Variants in ARHGAP28 observed in about 807,000 individuals in gnomAD.
ARHGAP28 encodes the protein rho GTPase-activating protein 28.
A neutral mutation model predicts 90.7 loss-of-function variants in ARHGAP28; 56 were observed. The observed-to-expected ratio is 0.62, with a 90% CI of 0.50 to 0.77. The LOEUF is 0.77. ARHGAP28 is among the 30% of genes least tolerant of loss of function. The pLI is 0.00. For synonymous variants in ARHGAP28, 308 were observed against 323.3 expected, an observed-to-expected ratio of 0.95 and a Z score of 0.51; for missense variants, 869 against 900.9, an observed-to-expected ratio of 0.96 and a Z score of 0.45.
intron 6 of ARHGAP28, among the ~76,000 whole-genome samples, chr18:6,869,220 A>G (rs550959462): frequency 6.7e-6 from 1 of 149,904 alleles, no homozygotes; most frequent in East Asian, 2.0e-4. Context: ...CCCCTGTATA[A>G]CAAGGGAGCA....
Position 6,887,167 on chromosome 18 carries a change from C to T in ARHGAP28, c.1464C>T (p.His488=), listed in dbSNP as rs745378361. The change falls in exon 12 of 18, where the codon CAC becomes CAT. Residue 488 remains histidine, a synonymous_variant. Coordinates refer to ENST00000383472, the MANE Select transcript of ARHGAP28 (RefSeq NM_001366230.1). ...AFISLMERGP[H]VKVQFQALHL... is the part of the protein sequence containing the mutation. ...CTGTTTTCTTGTTAGGAGGGCCTCACGTCAAAGTACAGTTTCAAGCCTTAC... is the reference window on the plus strand; with the variant it reads ...CTGTTTTCTTGTTAGGAGGGCCTCATGTCAAAGTACAGTTTCAAGCCTTAC... 2.1e-5 allele frequency: 34 copies of T among 1,613,862 alleles called. No individual in the cohort carries two copies. Among genetic ancestry groups the T allele is most frequent in the African/African-American group, 8.0e-5 (6 of 74,906 alleles).
rs1418467794 is a variant in ARHGAP28 at position 6,856,512 on chromosome 18, G to GT, written c.637-3289dup. Among the ~76,000 whole-genome samples, 7 of 152,012 alleles carry GT rather than the reference G, an allele frequency of 4.6e-5. No homozygotes were observed. In the South Asian group the frequency reaches 6.2e-4, roughly 14 times the overall value. On this transcript the variant is annotated intron_variant, in intron 4 of 17. Transcript: ENST00000383472. ...ATTCAATAATTTGGGTTGTGTTTTT[G>GT]TTTTTTTGTGTTTTAGAGACAGGGT...
At chr18:6,790,081 C>G (rs977688091) in intron 1 of ARHGAP28, 1 of 152,164 alleles carries the variant, frequency 6.6e-6, no homozygotes, top group African/African-American at 2.4e-5. Flanking sequence ...TCAGGTGATC[C>G]GCCTGCCTCA....
At chr18:6,753,997 T>C (rs780894410) in intron 1 of ARHGAP28, among the ~76,000 whole-genome samples, 4 of 152,240 alleles carry the variant, frequency 2.6e-5, no homozygotes, top group Admixed American at 6.5e-5. Flanking sequence ...AAATATATTA[T>C]ACAATTGATT....
chr18:6,804,273 A>C (rs1420493684), intron 1 of ARHGAP28, among the ~76,000 whole-genome samples: 11 of 152,102 alleles, frequency 7.2e-5, no homozygotes, highest in Non-Finnish European at 1.5e-5. Flanking sequence ...ATATCAGTAA[A>C]ATTTGTAGTG....
At chr18:6,799,857 A>G (rs1460220776) in intron 1 of ARHGAP28, among the ~76,000 whole-genome samples, 1 of 152,230 alleles carries the variant, frequency 6.6e-6, no homozygotes, top group East Asian at 1.9e-4. Context: ...GCCAAAATTG[A>G]CAATTGGGAT....
chr18:6,895,976 C>A (rs908007083), intron 15 of ARHGAP28, among the ~76,000 whole-genome samples: 2 of 152,112 alleles, frequency 1.3e-5, no homozygotes, highest in African/African-American at 4.8e-5. Context: ...CCCACAGCCA[C>A]CTACACTGCC....
At chr18:6,730,145 G>A in intron 1 of ARHGAP28, 1 of 452,978 alleles carries the variant, frequency 2.2e-6, no homozygotes, top group Middle Eastern at 6.2e-4. Flanking sequence ...CACCAGCCTG[G>A]GCTGAAGTCG....
chr18:6,826,277 T>C (rs989560378), intron 2 of ARHGAP28, among the ~76,000 whole-genome samples: 4 of 152,142 alleles, frequency 2.6e-5, no homozygotes, highest in African/African-American at 9.7e-5. Flanking sequence ...TATGTCTTCT[T>C]TTGAAAAGCA....
chr18:6,739,572 A>C (rs1029632960), intron 1 of ARHGAP28, among the ~76,000 whole-genome samples: 1 of 151,114 alleles, frequency 6.6e-6, no homozygotes, highest in Non-Finnish European at 1.5e-5. Context: ...TGAAATACTT[A>C]TTTAAGACTA....
chr18:6,787,082 T>C (rs1451305110), intron 1 of ARHGAP28, among the ~76,000 whole-genome samples: 1 of 151,656 alleles, frequency 6.6e-6, no homozygotes, highest in Non-Finnish European at 1.5e-5. Context: ...TAGCCGGGCG[T>C]GGTGGTGGAC....
chr18:6,876,448 T>C (rs1204096218), intron 10 of ARHGAP28, among the ~76,000 whole-genome samples: 1 of 152,146 alleles, frequency 6.6e-6, no homozygotes, highest in Middle Eastern at 3.2e-3. Flanking sequence ...GCACATCAAT[T>C]CACCATCAAA....
At chr18:6,767,964 C>T (rs891229638) in intron 1 of ARHGAP28, among the ~76,000 whole-genome samples, 1 of 152,204 alleles carries the variant, frequency 6.6e-6, no homozygotes, top group Non-Finnish European at 1.5e-5. Context: ...CATGTCATCC[C>T]ATAGGTCACT....
intron 1 of ARHGAP28, chr18:6,791,678 T>G (rs1480183799): frequency 6.6e-6 from 1 of 152,140 alleles, no homozygotes; most frequent in East Asian, 1.9e-4. Context: ...ATGGTGAGTA[T>G]TTGAACAAAA....
At chr18:6,810,049 T>G (rs1366937023) in intron 1 of ARHGAP28, among the ~76,000 whole-genome samples, 2 of 152,200 alleles carry the variant, frequency 1.3e-5, no homozygotes, top group Non-Finnish European at 2.9e-5. Context: ...TTTGGAGAAA[T>G]TTAGTTTTTT....
At chr18:6,734,053 G>A (rs941805214) in intron 1 of ARHGAP28, among the ~76,000 whole-genome samples, 1 of 152,148 alleles carries the variant, frequency 6.6e-6, no homozygotes, top group Non-Finnish European at 1.5e-5. Context: ...TTTGTTGGGA[G>A]GAAGAGAACT....
intron 4 of ARHGAP28, among the ~76,000 whole-genome samples, chr18:6,858,740 A>C (rs1441998207): frequency 1.3e-5 from 2 of 152,078 alleles, no homozygotes; most frequent in African/African-American, 4.8e-5. Flanking sequence ...TATGTTGGCC[A>C]GGCTGGTCTG....
chr18:6,875,921 T>C (rs1203363109), intron 9 of ARHGAP28, among the ~76,000 whole-genome samples: 3 of 152,206 alleles, frequency 2.0e-5, no homozygotes, highest in Non-Finnish European at 4.4e-5. Flanking sequence ...GAAAGTTGTA[T>C]AACTGCTATA....
At chr18:6,757,153 A>G (rs2056117627) in intron 1 of ARHGAP28, among the ~76,000 whole-genome samples, 1 of 152,234 alleles carries the variant, frequency 6.6e-6, no homozygotes, top group Non-Finnish European at 1.5e-5. Flanking sequence ...ACCGTTTGCA[A>G]AGAATATGAC....
Sources: allele counts gnomAD v4.1 joint callset (sites outside exome capture counted in the v4.1 genomes callset), GRCh38; gene constraint gnomAD v4.1.1; transcripts MANE v1.5; gene names NCBI Gene and HGNC (gene_info 2026-07-23, HGNC 2026-07-21).